The following ANKRD36C variants were observed in gnomAD, a reference collection of about 807,000 sequenced individuals.
ANKRD36C encodes ankyrin repeat domain 36C.
A neutral mutation model predicts 276.4 loss-of-function variants in ANKRD36C; 61 were observed. That is an observed-to-expected ratio of 0.22 (90% CI 0.18 to 0.27). The LOEUF is 0.27. Among genes scored for constraint, ANKRD36C ranks in the 10% least tolerant of loss-of-function variants. ANKRD36C has a pLI of 1.00. For missense variants in ANKRD36C, 1,447 were observed against 2,032.3 expected, an observed-to-expected ratio of 0.71 and a Z score of 5.54; for synonymous variants, 483 against 680.1, an observed-to-expected ratio of 0.71 and a Z score of 4.51.
chr2:95,893,742 T>C lies in ANKRD36C; in HGVS notation c.2756-1882A>G, dbSNP rs1438083044. Reference sequence around the variant, plus strand: ...AGAAGACACTGAAAAGCAAAAGGGATTCATAATCACTCATATGTAAATATG... The same window carrying C: ...AGAAGACACTGAAAAGCAAAAGGGACTCATAATCACTCATATGTAAATATG... On this transcript the variant is annotated intron_variant, in intron 44 of 66. Transcript: ENST00000456556. The C allele has an allele frequency of 6.2e-7, 1 of 1,604,802 alleles. No individual in the cohort carries two copies. Among genetic ancestry groups the C allele is most frequent in the African/African-American group, 1.3e-5 (1 of 74,524 alleles).
chr2:95,901,093 T>A lies in ANKRD36C; in HGVS notation c.2654-1757A>T. ...TCTTTCTCATCACTTGTAGCCTGAA[T>A]GGAATTTGAAACAAAATAATAAATA... On this transcript the variant is annotated intron_variant, in intron 42 of 66. Coordinates refer to ENST00000456556, the Ensembl canonical transcript of ANKRD36C. The A allele has an allele frequency of 1.1e-5, 1 of 91,010 alleles. No homozygotes were observed. Among genetic ancestry groups the A allele is most frequent in the South Asian group, 6.6e-5 (1 of 15,038 alleles). 5.6% of individuals were successfully genotyped at this position (91,010 alleles called of 1,614,324 possible). A position where few individuals can be genotyped will look rare whatever the true frequency, so the allele number is the denominator to read the frequency against.
chr2:95,887,029 A>G (rs1386420771), intron 50 of ANKRD36C, among the ~76,000 whole-genome samples: 9 of 151,472 alleles, frequency 5.9e-5, no homozygotes, highest in African/African-American at 2.2e-4. Flanking sequence ...TCACTCCAAT[A>G]TTCATTGAAA....
intron 24 of ANKRD36C, among the ~76,000 whole-genome samples, chr2:95,932,746 C>T (rs563883015): frequency 6.6e-6 from 1 of 152,158 alleles, no homozygotes; most frequent in Non-Finnish European, 1.5e-5. Context: ...CTCATGCACA[C>T]TCCCAAATAA....
intron 36 of ANKRD36C, 137 bp downstream of exon 38, chr2:95,917,718 A>G: frequency 8.4e-7 from 1 of 1,193,276 alleles, no homozygotes; most frequent in South Asian, 1.5e-5. Flanking sequence ...ATTACAAATG[A>G]AGACTCTCAG....
chr2:95,921,111 T>G (rs1035360374), intron 34 of ANKRD36C, among the ~76,000 whole-genome samples: 1 of 150,644 alleles, frequency 6.6e-6, no homozygotes, highest in Non-Finnish European at 1.5e-5. Context: ...AATAACTTCT[T>G]TTCCCTCCTT....
At chr2:95,930,456 C>T (rs1677534234) in intron 24 of ANKRD36C, among the ~76,000 whole-genome samples, 1 of 151,646 alleles carries the variant, frequency 6.6e-6, no homozygotes, top group Non-Finnish European at 1.5e-5. Context: ...TATTTATACT[C>T]ATGAAGACTC....
At chr2:95,893,698 T>C (rs2104358520) in intron 44 of ANKRD36C, 8 of 1,605,582 alleles carry the variant, frequency 5.0e-6, no homozygotes, top group Non-Finnish European at 6.8e-6. Context: ...TTCATTACCT[T>C]CAAGGCTGGT....
intron 63 of ANKRD36C, among the ~76,000 whole-genome samples, chr2:95,854,118 G>A (rs1447489090): frequency 6.6e-6 from 1 of 150,644 alleles, no homozygotes; most frequent in Non-Finnish European, 1.5e-5. Context: ...TGATGAATCT[G>A]CAATGCTTAA....
intron 65 of ANKRD36C, 83 bp downstream of exon 85, chr2:95,852,043 C>G (rs1216941571): frequency 1.4e-6 from 2 of 1,410,468 alleles, no homozygotes; most frequent in Non-Finnish European, 2.0e-6. Flanking sequence ...TACTAATTAT[C>G]ATAACTGATA....
At position 95,974,534 on chromosome 2, in the gene ANKRD36C, G is replaced by T. The variant is rs192428776; in HGVS notation, c.799+3588C>A. The stretch of plus-strand genomic sequence containing the variant: ...TACAAGAGGTCATGAAAAGGGAATT[G>T]CACTAAAACAAAGTGTCCCAGAACA... On this transcript the variant is annotated intron_variant, in intron 6 of 66. Transcript: ENST00000456556. Among the ~76,000 whole-genome samples, 582 of 152,252 alleles carry T rather than the reference G, an allele frequency of 3.8e-3. 4 individuals carry two copies. The highest frequency in any genetic ancestry group is 0.031 in the Middle Eastern group (9 of 294).
At chr2:95,927,072 T>C in intron 28 of ANKRD36C, 142 bp downstream of exon 28, 1 of 1,223,144 alleles carries the variant, frequency 8.2e-7, no homozygotes, top group South Asian at 1.3e-5. Context: ...GCAGCATCAG[T>C]GTCACCTGAG....
chr2:95,984,991 T>A (rs1306689000), intron 3 of ANKRD36C, among the ~76,000 whole-genome samples: 1 of 152,174 alleles, frequency 6.6e-6, no homozygotes, highest in Admixed American at 6.5e-5. Flanking sequence ...ATAATAGAGC[T>A]TCAGCTTTAA....
Position 95,955,436 on chromosome 2 carries a change from T to A in ANKRD36C, c.1136+1350A>T, listed in dbSNP as rs528521477. On this transcript the variant is annotated intron_variant, in intron 13 of 66. Coordinates refer to ENST00000456556, the Ensembl canonical transcript of ANKRD36C. ...TCTTGATAGCTCCCAACATCCTGTG[T>A]TATCATTTCCCTTATCTTTATCAAA... 6.3e-3 allele frequency among the ~76,000 whole-genome samples: 962 copies of A among 152,162 alleles called. 2 individuals carry two copies. Among genetic ancestry groups the A allele is most frequent in the South Asian group, 0.018 (89 of 4,820 alleles).
intron 65 of ANKRD36C, 33 bp from the exon 86 acceptor site, chr2:95,851,820 C>A (rs762366271): frequency 2.4e-5 from 36 of 1,510,700 alleles, no homozygotes; most frequent in Admixed American, 4.2e-5. Context: ...ATTACTCTCA[C>A]ACATAATTGT....
intron 59 of ANKRD36C, among the ~76,000 whole-genome samples, chr2:95,871,532 G>A (rs1573729949): frequency 6.6e-6 from 1 of 152,042 alleles, no homozygotes; most frequent in Non-Finnish European, 1.5e-5. Flanking sequence ...AACGTGGAAA[G>A]GAACAACCGG....
At chr2:95,938,859 C>T in exon 22 of ANKRD36C, 3 of 1,537,746 alleles carry the variant, frequency 2.0e-6, no homozygotes, top group Non-Finnish European at 1.7e-6. Context: ...TCCATACTTC[C>T]TAAGAATCTA....
chr2:95,886,508 C>T (rs1676206691), intron 50 of ANKRD36C, among the ~76,000 whole-genome samples: 1 of 151,590 alleles, frequency 6.6e-6, no homozygotes, highest in South Asian at 2.1e-4. Context: ...GTGTCAATTT[C>T]AATAAGGATA....
chr2:95,915,541 A>T (rs1205791491), intron 38 of ANKRD36C, among the ~76,000 whole-genome samples: 1 of 151,492 alleles, frequency 6.6e-6, no homozygotes. Context: ...CATTCGGAAA[A>T]TAATTGCTAC....
At chr2:95,907,503 G>C (rs1201027536) in intron 42 of ANKRD36C, 1 of 140,968 alleles carries the variant, frequency 7.1e-6, no homozygotes, top group Non-Finnish European at 1.5e-5. Context: ...TAATATATTA[G>C]CCTCAATAAA....
Sources: allele counts gnomAD v4.1 joint callset (sites outside exome capture counted in the v4.1 genomes callset), GRCh38; gene constraint gnomAD v4.1.1; transcripts MANE v1.5; gene names NCBI Gene and HGNC (gene_info 2026-07-23, HGNC 2026-07-21).